The following HMCN2 variants were observed in gnomAD, a reference collection of about 807,000 sequenced individuals.
HMCN2 encodes the protein hemicentin 2, also known as hemicentin-2.
In HMCN2, 325 loss-of-function variants were observed where a neutral mutation model predicts 377.5. The ratio of observed to expected loss-of-function variants is 0.86; its 90% CI spans 0.79 to 0.94. The LOEUF (loss-of-function observed/expected upper bound fraction) is 0.94. Among genes scored for constraint, HMCN2 ranks in the 40% least tolerant of loss-of-function variants. The probability of loss-of-function intolerance (pLI) is 0.00; values close to 1 mark genes in which losing one functional copy is unlikely to be tolerated. For synonymous variants in HMCN2, 2,007 were observed against 2,046.8 expected, an observed-to-expected ratio of 0.98 and a Z score of 0.53; for missense variants, 4,543 against 4,725.3, an observed-to-expected ratio of 0.96 and a Z score of 1.13.
chr9:130,323,989 A>G (rs1366480025), intron 19 of HMCN2, among the ~76,000 whole-genome samples: 1 of 152,248 alleles, frequency 6.6e-6, no homozygotes, highest in Non-Finnish European at 1.5e-5. Context: ...GGCATGAGCC[A>G]CCGTGCCTGG....
intron 56 of HMCN2, 72 bp from the exon 57 acceptor site, chr9:130,383,432 C>T (rs1841839012): frequency 4.5e-6 from 3 of 665,626 alleles, no homozygotes; most frequent in Non-Finnish European, 5.6e-6. Flanking sequence ...GGATTCCTCG[C>T]AGTCATTCCT....
At chr9:130,430,164 C>A in intron 94 of HMCN2, 120 bp from the exon 95 acceptor site, 1 of 828,714 alleles carries the variant, frequency 1.2e-6, no homozygotes, top group Non-Finnish European at 1.9e-6. Context: ...TCACATGCAG[C>A]ATGGGAGTGG....
intron 4 of HMCN2, among the ~76,000 whole-genome samples, chr9:130,286,650 G>A (rs1835430227): frequency 6.6e-6 from 1 of 152,234 alleles, no homozygotes; most frequent in East Asian, 1.9e-4. Flanking sequence ...TGACAAGGTG[G>A]CCCCAGAGAC....
intron 15 of HMCN2, among the ~76,000 whole-genome samples, chr9:130,315,090 G>A (rs939470161): frequency 6.6e-6 from 1 of 151,654 alleles, no homozygotes; most frequent in Admixed American, 6.6e-5. Flanking sequence ...AGCTCTGAGA[G>A]CGCCTCCTGC....
chr9:130,407,635 C>G lies in HMCN2; in HGVS notation c.12618C>G (p.Ser4206Arg). 7.8e-7 allele frequency: 1 copy of G among 1,285,900 alleles called. No individual in the cohort carries two copies. The highest frequency in any genetic ancestry group is 1.0e-6 in the Non-Finnish European group (1 of 986,502). 79.7% of individuals were successfully genotyped at this position (1,285,900 alleles called of 1,614,324 possible). A position where few individuals can be genotyped will look rare whatever the true frequency, so the allele number is the denominator to read the frequency against. ...GGGCCGCTGTCTCCAGAGAAGACAG[C>G]GGGACCTATGTCTGCTGGGCGGAGA... ...LQRAAVSREDSGTYVCWAENR... is the reference protein window; with the variant it reads ...LQRAAVSREDRGTYVCWAENR... Residue 4206 changes from serine to arginine, a missense_variant, in exon 83 of 98, where the codon AGC becomes AGG. By Grantham distance (110) the Ser-to-Arg change is moderately radical. Coordinates refer to ENST00000683500, the MANE Select transcript of HMCN2 (RefSeq NM_001291815.2).
intron 94 of HMCN2, 136 bp from the exon 95 acceptor site, chr9:130,430,148 C>A: frequency 2.7e-6 from 2 of 731,652 alleles, no homozygotes; most frequent in Non-Finnish European, 4.4e-6. Context: ...GGGGATGCAG[C>A]GTGGCTCACA....
At chr9:130,419,124 C>T in intron 86 of HMCN2, 83 bp downstream of exon 86, 1 of 1,311,184 alleles carries the variant, frequency 7.6e-7, no homozygotes, top group Middle Eastern at 1.9e-4. Context: ...TATGGGAGAC[C>T]TGTCCCCTGC....
At chr9:130,372,087 C>A (rs1300541413) in intron 46 of HMCN2, among the ~76,000 whole-genome samples, 1 of 152,230 alleles carries the variant, frequency 6.6e-6, no homozygotes, top group Non-Finnish European at 1.5e-5. Flanking sequence ...CAGATTTATT[C>A]TGGTACGTGT....
At chr9:130,359,248 TG>T in intron 36 of HMCN2, 70 bp from the exon 37 acceptor site, 1 of 814,624 alleles carries the variant, frequency 1.2e-6, no homozygotes, top group Non-Finnish European at 1.8e-6. Flanking sequence ...GCAGCACTGC[TG>T]GGATGGCTGG....
intron 82 of HMCN2, 76 bp downstream of exon 82, chr9:130,406,244 A>G: frequency 8.4e-7 from 1 of 1,185,438 alleles, no homozygotes. Flanking sequence ...AGGTGGGGAG[A>G]CCCAACCTAG....
intron 77 of HMCN2, among the ~76,000 whole-genome samples, chr9:130,402,212 G>A (rs539564569): frequency 5.3e-5 from 8 of 152,370 alleles, no homozygotes; most frequent in Admixed American, 3.3e-4. Context: ...CCAGAGTGCC[G>A]TGGGCCTTGC....
chr9:130,385,471 G>T, intron 59 of HMCN2, 89 bp from the exon 60 acceptor site: 1 of 937,076 alleles, frequency 1.1e-6, no homozygotes, highest in Non-Finnish European at 1.5e-6. Flanking sequence ...TGTGACCCTG[G>T]TGGGTTTCCA....
intron 22 of HMCN2, among the ~76,000 whole-genome samples, chr9:130,330,518 C>G (rs1838371606): frequency 6.6e-6 from 1 of 152,138 alleles, no homozygotes; most frequent in Non-Finnish European, 1.5e-5. Context: ...CCAACATGCA[C>G]AGACACGCAG....
chr9:130,364,854 G>A lies in HMCN2; in HGVS notation c.6373G>A (p.Gly2125Arg). 2 of 986,018 alleles carry A rather than the reference G, an allele frequency of 2.0e-6. No homozygotes were observed. The allele number at this position is 986,018 out of a possible 1,614,324, so 61.1% of individuals were successfully genotyped here. ...CGGGCGGCCCCTGGAACCACGGCCT[G>A]GAGTCCACCTCTCCGCAGACAAAGC... ...KDGRPLEPRP[G>R]VHLSADKALL... The change falls in exon 41 of 98, where the codon GGA (glycine) becomes AGA (arginine). Residue 2125 changes from glycine (G) to arginine (R), a missense_variant. Transcript: ENST00000683500.
chr9:130,395,235 G>C lies in HMCN2; in HGVS notation c.10799G>C (p.Arg3600Pro). ...GCCCCTCCAAACATTGTTGGGCCCCGAGGCCCCCGCTTTGTGGTCGGCCTG... is the reference window on the plus strand; with the variant it reads ...GCCCCTCCAAACATTGTTGGGCCCCCAGGCCCCCGCTTTGTGGTCGGCCTG... ...VQAPPNIVGP[R>P]GPRFVVGLAP... The change falls in exon 71 of 98, where the codon CGA (arginine) becomes CCA (proline). Residue 3600 changes from arginine to proline, a missense_variant. Arg to Pro is a moderately radical substitution (Grantham distance 103). Coordinates refer to ENST00000683500, the MANE Select transcript of HMCN2 (RefSeq NM_001291815.2). 7.8e-7 allele frequency: 1 copy of C among 1,289,156 alleles called. No individual in the cohort carries two copies. Among genetic ancestry groups the C allele is most frequent in the Non-Finnish European group, 1.0e-6 (1 of 988,614 alleles). 79.9% of individuals were successfully genotyped at this position (1,289,156 alleles called of 1,614,324 possible). A position where few individuals can be genotyped will look rare whatever the true frequency, so the allele number is the denominator to read the frequency against.
rs1304547108 is a variant in HMCN2, at chr9:130,406,420, G to T, written c.12553+252G>T. 2.3e-5 allele frequency: 8 copies of T among 344,862 alleles called. No homozygotes were observed. In the East Asian group the frequency reaches 6.1e-4, roughly 26 times the overall value. The allele number at this position is 344,862 out of a possible 1,614,324, so 21.4% of individuals were successfully genotyped here. ...CTCAACCCAGAGACCTCAGGGCCAG[G>T]AAGGGGAGGCCTGTGTTCTAGTCCA... On this transcript the variant is annotated intron_variant, in intron 82 of 97. Transcript: ENST00000683500.
chr9:130,419,083 G>T, intron 86 of HMCN2, 42 bp downstream of exon 86: 1 of 1,449,676 alleles, frequency 6.9e-7, no homozygotes, highest in Non-Finnish European at 9.1e-7. Context: ...ACAGAGGCAG[G>T]ATCTCTTGCC....
chr9:130,301,610 C>T lies in HMCN2; in HGVS notation c.1277-1247C>T, dbSNP rs575596187. Among the ~76,000 whole-genome samples the T allele has an allele frequency of 1.3e-4, 20 of 152,288 alleles. No individual in the cohort carries two copies. In the South Asian group the frequency reaches 3.9e-3, roughly 30 times the overall value. On this transcript the variant is annotated intron_variant, in intron 8 of 97. Transcript: ENST00000683500. ...GAGTGGCGACTGCTTTGCACACAGC[C>T]GAGGACGTGGCTGGATGGTCAGACA...
At chr9:130,274,628 T>C (rs1404277833) in intron 1 of HMCN2, among the ~76,000 whole-genome samples, 1 of 152,242 alleles carries the variant, frequency 6.6e-6, no homozygotes, top group Non-Finnish European at 1.5e-5. Context: ...CTACTACTAC[T>C]CTCAAGAGGT....
Sources: allele counts gnomAD v4.1 joint callset (sites outside exome capture counted in the v4.1 genomes callset), GRCh38; gene constraint gnomAD v4.1.1; transcripts MANE v1.5; gene names NCBI Gene and HGNC (gene_info 2026-07-23, HGNC 2026-07-21).